RHOBTB1: variants seen among roughly 807,000 people sequenced by gnomAD.
RHOBTB1 encodes Rho related BTB domain containing 1, also known as rho-related BTB domain-containing protein 1.
Under a neutral mutation model 71.6 loss-of-function variants are expected in RHOBTB1, and 40 were observed. The observed-to-expected ratio is 0.56, with a 90% CI of 0.43 to 0.73. The LOEUF is 0.73. Ranked by LOEUF, RHOBTB1 falls within the 30% of genes least tolerant of loss-of-function variation. RHOBTB1 has a pLI of 0.00. For missense variants in RHOBTB1, 797 were observed against 894.0 expected, an observed-to-expected ratio of 0.89 and a Z score of 1.38; for synonymous variants, 319 against 334.9, an observed-to-expected ratio of 0.95 and a Z score of 0.52.
chr10:60,931,675 A>G (rs1458633535), intron 2 of RHOBTB1, among the ~76,000 whole-genome samples: 1 of 152,204 alleles, frequency 6.6e-6, no homozygotes, highest in Non-Finnish European at 1.5e-5. Context: ...ATGATTTTTG[A>G]TAACACATAA....
chr10:60,892,749 A>G, intron 5 of RHOBTB1, 61 bp downstream of exon 5: 1 of 1,436,586 alleles, frequency 7.0e-7, no homozygotes, highest in Non-Finnish European at 9.5e-7. Flanking sequence ...CTACAGAGAC[A>G]CCTGCTGCCT....
chr10:60,911,771 C>T (rs552997796), intron 2 of RHOBTB1, among the ~76,000 whole-genome samples: 2 of 152,314 alleles, frequency 1.3e-5, no homozygotes, highest in African/African-American at 4.8e-5. Flanking sequence ...GTTATTTTGA[C>T]CCCAAACAGT....
Position 60,962,852 on chromosome 10 carries a change from CTG to C in RHOBTB1, c.-61-21000_-61-20999del, listed in dbSNP as rs1300210992. Reference sequence around the variant, plus strand: ...AAGCATAACCTGTACACTGACAATACTGTGATTTTACTACTTTAACTCTTCAA... The same window carrying C: ...AAGCATAACCTGTACACTGACAATACTGATTTTACTACTTTAACTCTTCAA... On this transcript the variant is annotated intron_variant, in intron 2 of 11. Transcript: ENST00000357917. Among the ~76,000 whole-genome samples, 3 of 152,252 alleles carry C rather than the reference CTG, an allele frequency of 2.0e-5. No homozygotes were observed. In the East Asian group the frequency reaches 5.8e-4, roughly 29 times the overall value.
At chr10:60,914,074 T>C (rs2083139736) in intron 2 of RHOBTB1, among the ~76,000 whole-genome samples, 2 of 151,912 alleles carry the variant, frequency 1.3e-5, no homozygotes, top group Admixed American at 1.3e-4. Flanking sequence ...ATGACAAAGA[T>C]CTATAAAAAG....
At chr10:60,978,289 C>T (rs995254809) in intron 2 of RHOBTB1, among the ~76,000 whole-genome samples, 13 of 152,188 alleles carry the variant, frequency 8.5e-5, no homozygotes, top group African/African-American at 2.4e-4. Context: ...TTATTCCTAC[C>T]GTTTCTGAGA....
intron 7 of RHOBTB1, among the ~76,000 whole-genome samples, chr10:60,885,614 A>C (rs916070304): frequency 4.6e-5 from 7 of 152,234 alleles, no homozygotes; most frequent in Non-Finnish European, 7.3e-5. Context: ...CTCAGCTTGC[A>C]GATGAGGAGG....
At chr10:60,946,157 G>A (rs1485821390), upstream of RHOBTB1, among the ~76,000 whole-genome samples, 1 of 150,396 alleles carries the variant, frequency 6.6e-6, no homozygotes, top group Non-Finnish European at 1.5e-5. Flanking sequence ...CAGCCTGGGC[G>A]ACAGAGCAAG....
Position 60,931,555 on chromosome 10 carries a change from C to T in RHOBTB1, c.-11+10249G>A, listed in dbSNP as rs190917909. Among the ~76,000 whole-genome samples the T allele has an allele frequency of 5.9e-5, 9 of 152,174 alleles. No homozygotes were observed. In the East Asian group the frequency reaches 1.7e-3, roughly 29 times the overall value. ...CTGAAAAATATTCTTAGACATATTA[C>T]TTCTATAATGAGAAAGACGTTTTAG... On this transcript the variant is annotated intron_variant, in intron 2 of 10. Coordinates refer to ENST00000337910, the MANE Select transcript of RHOBTB1 (RefSeq NM_014836.5).
At chr10:60,883,844 G>A (rs1403498039) in intron 7 of RHOBTB1, among the ~76,000 whole-genome samples, 1 of 152,206 alleles carries the variant, frequency 6.6e-6, no homozygotes, top group Non-Finnish European at 1.5e-5. Flanking sequence ...CTAGAGCCAA[G>A]AAAGGTTAAG....
At chr10:60,976,066 T>C (rs1458595990) in intron 2 of RHOBTB1, among the ~76,000 whole-genome samples, 1 of 151,968 alleles carries the variant, frequency 6.6e-6, no homozygotes, top group Non-Finnish European at 1.5e-5. Flanking sequence ...AAATGATATA[T>C]CCAATTTAGA....
In RHOBTB1 at chr10:60,877,901, T is replaced by C. The variant is rs752367465; in HGVS notation, c.1726+7A>G. The C allele has an allele frequency of 1.2e-6, 2 of 1,613,014 alleles. No homozygotes were observed. Among genetic ancestry groups the C allele is most frequent in the Admixed American group, 1.7e-5 (1 of 59,908 alleles). ...GACACTGCATGGCCCTGAGTCATCATCCTTACCTGCAAGTGCAACCAAGTG... is the reference window on the plus strand; with the variant it reads ...GACACTGCATGGCCCTGAGTCATCACCCTTACCTGCAAGTGCAACCAAGTG... On this transcript the variant is annotated splice_region_variant and intron_variant, in intron 8 of 10. Transcript: ENST00000337910.
chr10:60,874,655 T>C (rs1163198536), intron 9 of RHOBTB1, among the ~76,000 whole-genome samples: 2 of 152,182 alleles, frequency 1.3e-5, no homozygotes, highest in East Asian at 3.9e-4. Flanking sequence ...GTCCAAGAAT[T>C]CAAAGAAGGA....
At chr10:60,964,391 A>G (rs1457806561) in intron 2 of RHOBTB1, among the ~76,000 whole-genome samples, 1 of 152,094 alleles carries the variant, frequency 6.6e-6, no homozygotes, top group Non-Finnish European at 1.5e-5. Context: ...TCAAGCCAAA[A>G]ATTTGAGACC....
intron 2 of RHOBTB1, among the ~76,000 whole-genome samples, chr10:60,925,825 C>T (rs908450705): frequency 3.9e-5 from 6 of 152,102 alleles, no homozygotes; most frequent in Non-Finnish European, 7.4e-5. Context: ...TGGACAAATT[C>T]CTAGACATAT....
intron 8 of RHOBTB1, among the ~76,000 whole-genome samples, chr10:60,876,141 C>T (rs557149241): frequency 3.9e-5 from 6 of 152,178 alleles, no homozygotes; most frequent in South Asian, 4.1e-4. Context: ...TGGGCTTTGC[C>T]GTTTTAAGTA....
At chr10:60,931,786 A>C (rs1186760440) in intron 2 of RHOBTB1, among the ~76,000 whole-genome samples, 6 of 152,172 alleles carry the variant, frequency 3.9e-5, no homozygotes, top group Admixed American at 3.9e-4. Context: ...ACCCCACAGG[A>C]ATCAAAATGA....
chr10:60,986,664 G>C (rs973619167), intron 1 of RHOBTB1, among the ~76,000 whole-genome samples: 28 of 151,702 alleles, frequency 1.8e-4, no homozygotes, highest in African/African-American at 6.5e-4. Flanking sequence ...ACCTGAAATA[G>C]AGGCATTGAG....
intron 4 of RHOBTB1, among the ~76,000 whole-genome samples, chr10:60,907,403 G>A (rs1378750595): frequency 6.6e-6 from 1 of 152,168 alleles, no homozygotes; most frequent in African/African-American, 2.4e-5. Flanking sequence ...CCAAAAAAGA[G>A]CAGCTGATCA....
intron 1 of RHOBTB1, among the ~76,000 whole-genome samples, chr10:60,996,207 T>C (rs933645955): frequency 1.3e-5 from 2 of 152,172 alleles, no homozygotes; most frequent in East Asian, 3.9e-4. Flanking sequence ...CCCACTTACA[T>C]ATCAATGAAG....
Sources: allele counts gnomAD v4.1 joint callset (sites outside exome capture counted in the v4.1 genomes callset), GRCh38; gene constraint gnomAD v4.1.1; transcripts MANE v1.5; gene names NCBI Gene and HGNC (gene_info 2026-07-23, HGNC 2026-07-21).